The following CEP78 variants were observed in gnomAD, a reference collection of about 807,000 sequenced individuals.
The protein encoded by CEP78 is centrosomal protein of 78 kDa.
In CEP78, 76 loss-of-function variants were observed where a neutral mutation model predicts 81.2. The observed-to-expected ratio is 0.94, with a 90% CI of 0.78 to 1.13. The LOEUF (loss-of-function observed/expected upper bound fraction) is 1.13, where lower values mean the gene tolerates loss of function less well. CEP78 is among the 50% of genes most tolerant of loss of function. CEP78 has a pLI of 0.00. For synonymous variants in CEP78, 293 were observed against 301.4 expected (o/e 0.97, Z 0.29); for missense variants, 918 against 846.8 (o/e 1.08, Z -1.04).
rs757172721 is a variant in CEP78, at chr9:78,240,078, T to A, written c.309T>A (p.Asp103Glu). The change falls in exon 2 of 17, where the codon GAT becomes GAA. Residue 103 changes from aspartate (D) to glutamate (E), a missense_variant. By Grantham distance (45) the Asp-to-Glu change is conservative. Coordinates refer to ENST00000643273, the MANE Select transcript of CEP78 (RefSeq NM_001330691.3). ...GTGTTCCTGCGATAAGATACAAAGA[T>A]GTGACCTTCCAGTTGTGTAAAGCTC... is the stretch of plus-strand genomic sequence containing the variant. ...RSRVPAIRYKDVTFQLCKALK... is the reference protein window; with the variant it reads ...RSRVPAIRYKEVTFQLCKALK... The A allele has an allele frequency of 1.9e-6, 3 of 1,585,788 alleles. No individual in the cohort carries two copies. The highest frequency in any genetic ancestry group is 4.1e-5 in the Admixed American group (2 of 49,242).
At chr9:78,266,351 A>G (rs1463836294) in intron 15 of CEP78, 91 bp from the exon 16 acceptor site, 3 of 965,844 alleles carry the variant, frequency 3.1e-6, no homozygotes, top group Non-Finnish European at 4.6e-6. Context: ...GAAATCTTCT[A>G]AGATCACAGA....
chr9:78,259,943 CACAT>C (rs1243784981), intron 11 of CEP78, among the ~76,000 whole-genome samples: 1 of 152,244 alleles, frequency 6.6e-6, no homozygotes, highest in African/African-American at 2.4e-5. Flanking sequence ...CTTTAACACA[CACAT>C]AAATCTTATA....
At chr9:78,239,644 C>A (rs1826123913) in intron 1 of CEP78, among the ~76,000 whole-genome samples, 1 of 152,168 alleles carries the variant, frequency 6.6e-6, no homozygotes, top group Non-Finnish European at 1.5e-5. Context: ...TCTGACTCTT[C>A]CGGCTACGGC....
At chr9:78,266,866 A>G in intron 16 of CEP78, 163 bp downstream of exon 16, 35 of 1,440,882 alleles carry the variant, frequency 2.4e-5, no homozygotes, top group Non-Finnish European at 3.1e-5. Context: ...GTTTCTGTCA[A>G]GAAAGAAAAT....
chr9:78,238,721 T>A (rs1405772976), intron 1 of CEP78, among the ~76,000 whole-genome samples: 1 of 152,192 alleles, frequency 6.6e-6, no homozygotes, highest in African/African-American at 2.4e-5. Context: ...GTGCAGGAAC[T>A]GTTCTGTACC....
chr9:78,241,706 A>G lies in CEP78; in HGVS notation c.510A>G (p.Gln170=). 1 of 1,557,936 alleles carries G rather than the reference A, an allele frequency of 6.4e-7. No individual in the cohort carries two copies. The highest frequency in any genetic ancestry group is 8.8e-7 in the Non-Finnish European group (1 of 1,140,362). Residue 170 remains glutamine, a synonymous_variant, in exon 4 of 17, where the codon CAA becomes CAG. Coordinates refer to ENST00000643273, the MANE Select transcript of CEP78 (RefSeq NM_001330691.3). The stretch of plus-strand genomic sequence containing the variant: ...TTTTTTCCATTTTAGTTATTTGTCA[A>G]GGTATAAAGAGCTCTATCACTCTTA... ...IGDGGLEIIC[Q]GIKSSITLKT...
chr9:78,264,359 T>C (rs756108251), intron 13 of CEP78, 43 bp downstream of exon 13: 2 of 1,569,726 alleles, frequency 1.3e-6, no homozygotes, highest in African/African-American at 2.7e-5. Flanking sequence ...TCCATGACTT[T>C]AATGGTGTTT....
rs1827681738 is a variant in CEP78 at position 78,271,201 on chromosome 9, G to A, written c.*350G>A. On this transcript the variant is annotated 3_prime_UTR_variant, in exon 17 of 17. Coordinates refer to ENST00000643273, the MANE Select transcript of CEP78 (RefSeq NM_001330691.3). ...GTTTATAATCACCATATAAGTGCCTGTAATCATTTGTGTTCATTAAAAGTG... is the reference window on the plus strand; with the variant it reads ...GTTTATAATCACCATATAAGTGCCTATAATCATTTGTGTTCATTAAAAGTG... The A allele has an allele frequency of 5.7e-6, 1 of 174,388 alleles. No individual in the cohort carries two copies. Among genetic ancestry groups the A allele is most frequent in the African/African-American group, 2.4e-5 (1 of 42,418 alleles). 10.8% of individuals were successfully genotyped at this position (174,388 alleles called of 1,614,324 possible).
Position 78,243,513 on chromosome 9 carries a change from A to G in CEP78, c.655A>G (p.Arg219Gly), listed in dbSNP as rs756381736. ...EETWAESLRY[R>G]RPDLDCMAGL... Reference sequence around the variant, plus strand: ...AACCTGGGCTGAGAGTCTTCGCTATAGGAGACCTGATCTTGACTGTATGGC... The same window carrying G: ...AACCTGGGCTGAGAGTCTTCGCTATGGGAGACCTGATCTTGACTGTATGGC... Residue 219 changes from arginine (R) to glycine (G), a missense_variant, in exon 5 of 17, where the codon AGG (arginine) becomes GGG (glycine). Physicochemically the swap from Arg to Gly is moderately radical, Grantham distance 125. Coordinates refer to ENST00000643273, the MANE Select transcript of CEP78 (RefSeq NM_001330691.3). 5.2e-5 allele frequency: 84 copies of G among 1,613,734 alleles called. No homozygotes were observed. Among genetic ancestry groups the G allele is most frequent in the Non-Finnish European group, 6.5e-5 (77 of 1,179,776 alleles).
chr9:78,266,613 C>G lies in CEP78; in HGVS notation c.2017C>G (p.Pro673Ala), dbSNP rs897875925. Residue 673 changes from proline to alanine, a missense_variant, in exon 16 of 17, where the codon CCA becomes GCA. By Grantham distance (27) the Pro-to-Ala change is conservative. Coordinates refer to ENST00000643273, the MANE Select transcript of CEP78 (RefSeq NM_001330691.3). ...GFIARMCSPS[P>A]DATSGTGSQR... Reference sequence around the variant, plus strand: ...CATTGCTAGAATGTGTTCTCCTTCACCAGATGCGACTTCTGGAACTGGAAG... The same window carrying G: ...CATTGCTAGAATGTGTTCTCCTTCAGCAGATGCGACTTCTGGAACTGGAAG... 3 of 1,613,184 alleles carry G rather than the reference C, an allele frequency of 1.9e-6. No individual in the cohort carries two copies. The highest frequency in any genetic ancestry group is 2.5e-6 in the Non-Finnish European group (3 of 1,179,578).
At chr9:78,240,514 C>T (rs963639024) in intron 3 of CEP78, 150 bp downstream of exon 3, 2 of 695,500 alleles carry the variant, frequency 2.9e-6, no homozygotes, top group Admixed American at 2.5e-5. Flanking sequence ...ACCATGAAAG[C>T]TTGGCATGCT....
intron 12 of CEP78, among the ~76,000 whole-genome samples, chr9:78,263,559 A>G (rs1421986297): frequency 2.6e-5 from 4 of 152,204 alleles, no homozygotes; most frequent in South Asian, 2.1e-4. Flanking sequence ...TAATCATTCA[A>G]TAAAGGTTGA....
chr9:78,243,769 T>C (rs1826345806), intron 5 of CEP78, 133 bp downstream of exon 5: 1 of 615,342 alleles, frequency 1.6e-6, no homozygotes, highest in Non-Finnish European at 2.6e-6. Context: ...TATTTTGTTT[T>C]TAAGCCTTTA....
At chr9:78,239,272 T>C (rs1303286177) in intron 1 of CEP78, among the ~76,000 whole-genome samples, 1 of 152,188 alleles carries the variant, frequency 6.6e-6, no homozygotes, top group East Asian at 1.9e-4. Flanking sequence ...CTAGTTTTGC[T>C]GCCGTTGAGC....
At chr9:78,243,360 T>C (rs913531373) in intron 4 of CEP78, 102 bp from the exon 5 acceptor site, 14 of 902,026 alleles carry the variant, frequency 1.6e-5, no homozygotes, top group Non-Finnish European at 2.3e-5. Context: ...ATGTACCTGG[T>C]GTGTGTGTAA....
At chr9:78,268,479 G>T (rs1014731090) in intron 16 of CEP78, among the ~76,000 whole-genome samples, 1 of 152,110 alleles carries the variant, frequency 6.6e-6, no homozygotes, top group African/African-American at 2.4e-5. Flanking sequence ...GAAGTTATAT[G>T]CTCAGGCTTG....
At chr9:78,240,465 C>T (rs568441507) in intron 3 of CEP78, 101 bp downstream of exon 3, 7 of 970,488 alleles carry the variant, frequency 7.2e-6, no homozygotes, top group African/African-American at 3.2e-5. Context: ...TTACTACTGC[C>T]TCATATGCTT....
At chr9:78,251,608 G>A (rs1392161136) in intron 8 of CEP78, among the ~76,000 whole-genome samples, 2 of 151,756 alleles carry the variant, frequency 1.3e-5, no homozygotes, top group African/African-American at 4.8e-5. Flanking sequence ...ATTTACCTTT[G>A]CGTGCTCTGC....
intron 1 of CEP78, among the ~76,000 whole-genome samples, chr9:78,238,125 CAAAAAAAAAA>C (rs1018447867): frequency 3.1e-5 from 3 of 95,836 alleles, no homozygotes; most frequent in African/African-American, 1.1e-4. Context: ...AACTCTGTCT[CAAAAAAAAAA>C]AAAAAGAAGG....
Sources: gnomAD v4.1 joint callset for allele counts (sites outside exome capture counted in the v4.1 genomes callset) on GRCh38, gnomAD v4.1.1 for gene constraint, MANE v1.5 for transcripts, NCBI Gene and HGNC (gene_info 2026-07-23, HGNC 2026-07-21) for gene names.